COL12A1: variants seen among roughly 807,000 people sequenced by gnomAD.
The protein encoded by COL12A1 is collagen type XII alpha 1 chain, also known as collagen alpha-1(XII) chain.
Under a neutral mutation model 349.7 loss-of-function variants are expected in COL12A1, and 114 were observed. The observed-to-expected ratio is 0.33, with a 90% confidence interval of 0.28 to 0.38. The LOEUF (loss-of-function observed/expected upper bound fraction) is 0.38. Among genes scored for constraint, COL12A1 ranks in the 10% least tolerant of loss-of-function variants. The probability of loss-of-function intolerance (pLI) is 1.00; values close to 1 mark genes in which losing one functional copy is unlikely to be tolerated. For missense variants in COL12A1, 3,284 were observed against 3,756.9 expected, an observed-to-expected ratio of 0.87 and a Z score of 3.29; for synonymous variants, 1,369 against 1,329.0, an observed-to-expected ratio of 1.03 and a Z score of -0.66.
intron 13 of COL12A1, among the ~76,000 whole-genome samples, chr6:75,169,462 T>C (rs950892811): frequency 3.3e-5 from 5 of 152,144 alleles, no homozygotes; most frequent in African/African-American, 1.2e-4. Flanking sequence ...TAGTAGACTT[T>C]TTGCCATGTA....
chr6:75,176,279 G>T (rs1330885673), intron 12 of COL12A1, among the ~76,000 whole-genome samples: 1 of 151,582 alleles, frequency 6.6e-6, no homozygotes. Flanking sequence ...CAGTGGGGGA[G>T]GAAGGAAAGT....
intron 31 of COL12A1, 23 bp from the exon 32 acceptor site, chr6:75,134,878 A>C (rs774161225): frequency 5.0e-6 from 8 of 1,605,334 alleles, no homozygotes; most frequent in Non-Finnish European, 6.0e-6. Flanking sequence ...GGGTCTTGGT[A>C]AGTGTCAGCC....
intron 31 of COL12A1, among the ~76,000 whole-genome samples, chr6:75,136,826 G>C (rs1409830417): frequency 2.6e-5 from 4 of 152,138 alleles, no homozygotes; most frequent in Non-Finnish European, 5.9e-5. Flanking sequence ...AGGTAAAATG[G>C]ACAAAGGTTC....
chr6:75,177,518 C>G lies in COL12A1; in HGVS notation c.2437+145G>C. ...TGATTAAGTAAAAAAAAAATTTTAA[C>G]TTAAATCTAAAAGGACTATGGTCTA... On this transcript the variant is annotated intron_variant, in intron 12 of 65. Transcript: ENST00000322507. 8.9e-6 allele frequency: 8 copies of G among 903,352 alleles called. No individual in the cohort carries two copies. The Middle Eastern group carries it at 9.5e-4, about 107-fold the overall frequency. 56.0% of individuals were successfully genotyped at this position (903,352 alleles called of 1,614,324 possible). A position where few individuals can be genotyped will look rare whatever the true frequency, so the allele number is the denominator to read the frequency against.
chr6:75,120,845 C>T (rs1374410023), intron 44 of COL12A1, among the ~76,000 whole-genome samples: 1 of 152,174 alleles, frequency 6.6e-6, no homozygotes, highest in Non-Finnish European at 1.5e-5. Context: ...TTTAGCTCAA[C>T]AATGGACCTT....
intron 36 of COL12A1, 102 bp from the exon 37 acceptor site, chr6:75,130,335 G>A: frequency 8.9e-7 from 1 of 1,117,450 alleles, no homozygotes; most frequent in Non-Finnish European, 1.3e-6. Flanking sequence ...CATTCACTCA[G>A]ATGTTTCCTC....
chr6:75,169,438 A>T (rs954721389), intron 13 of COL12A1, among the ~76,000 whole-genome samples: 2 of 152,160 alleles, frequency 1.3e-5, no homozygotes, highest in Non-Finnish European at 2.9e-5. Context: ...GTGGCAGTGA[A>T]CAGAAAGCAA....
In COL12A1 at chr6:75,137,527, G is replaced by T. The variant is rs559168202; in HGVS notation, c.5304C>A (p.Ser1768Arg). ...TAGCAGGATCCCACTTAACAGTCAG[G>T]CTGTTAGATGTTGCATTGTACACTT... ...NLQVYNATSN[S>R]LTVKWDPASG... Residue 1768 changes from serine to arginine, a missense_variant, in exon 31 of 66, where the codon AGC becomes AGA. Transcript: ENST00000322507. 25 of 1,613,590 alleles carry T rather than the reference G, an allele frequency of 1.5e-5. No homozygotes were observed. The South Asian group carries it at 2.4e-4, about 16-fold the overall frequency.
intron 40 of COL12A1, 49 bp from the exon 41 acceptor site, chr6:75,124,420 A>G: frequency 7.2e-7 from 1 of 1,384,636 alleles, no homozygotes; most frequent in Non-Finnish European, 1.0e-6. Context: ...TGAGGCAAAA[A>G]GTGTACTTTT....
intron 14 of COL12A1, among the ~76,000 whole-genome samples, chr6:75,157,524 A>T (rs1767823704): frequency 6.6e-6 from 1 of 152,040 alleles, no homozygotes; most frequent in South Asian, 2.1e-4. Context: ...CCTAAGAGAG[A>T]TAAGGAACAA....
Position 75,154,520 on chromosome 6 carries a change from T to G in COL12A1, c.3461A>C (p.Lys1154Thr). ...LEELRAGTTY[K>T]VNVFGMFDGG... ...ATCAAACATTCCAAAAACATTTACT[T>G]TATAGGTGGTACCAGCCCTAAAATG... is the stretch of plus-strand genomic sequence containing the variant. Residue 1154 changes from lysine (K) to threonine (T), a missense_variant, in exon 17 of 66, where the codon AAA becomes ACA. Lys to Thr is a moderately conservative substitution (Grantham distance 78). This residue lies in a region of COL12A1 where 2,601 missense variants were observed against 2,824.8 expected (regional missense o/e 0.92). Coordinates refer to ENST00000322507, the MANE Select transcript of COL12A1 (RefSeq NM_004370.6). 6.2e-7 allele frequency: 1 copy of G among 1,610,470 alleles called. No individual in the cohort carries two copies.
intron 49 of COL12A1, 111 bp from the exon 50 acceptor site, chr6:75,113,855 C>A: frequency 1.2e-6 from 1 of 847,388 alleles, no homozygotes; most frequent in Non-Finnish European, 1.7e-6. Context: ...AATCTTTGCA[C>A]CAGAATCTCA....
intron 64 of COL12A1, among the ~76,000 whole-genome samples, chr6:75,088,222 G>T (rs1767595467): frequency 6.6e-6 from 1 of 152,090 alleles, no homozygotes; most frequent in Admixed American, 6.5e-5. Flanking sequence ...GGTTGCAAGG[G>T]TATCATGTGC....
chr6:75,128,992 A>G (rs541109544), intron 37 of COL12A1, among the ~76,000 whole-genome samples: 90 of 152,336 alleles, frequency 5.9e-4, no homozygotes, highest in African/African-American at 2.0e-3. Context: ...AGACATCTCA[A>G]TCTCTCTTCT....
At chr6:75,107,421 C>A (rs956252873) in intron 52 of COL12A1, among the ~76,000 whole-genome samples, 1 of 152,088 alleles carries the variant, frequency 6.6e-6, no homozygotes, top group African/African-American at 2.4e-5. Context: ...CAGGCGCCCA[C>A]TACCACGCCC....
rs1265670981 is a variant in COL12A1, at chr6:75,087,393, A to G, written c.9181+184T>C. The G allele has an allele frequency of 1.9e-5, 11 of 569,530 alleles. No homozygotes were observed. In the African/African-American group the frequency reaches 2.0e-4, roughly 10 times the overall value. The allele number at this position is 569,530 out of a possible 1,614,324, so 35.3% of individuals were successfully genotyped here. On this transcript the variant is annotated intron_variant, in intron 65 of 65. Coordinates refer to ENST00000322507, the MANE Select transcript of COL12A1 (RefSeq NM_004370.6). ...CATGGGGAAAAAAGAAAATAATTCA[A>G]TCCTAACAGTGAAATAATGTTGTGT...
chr6:75,177,547 T>C lies in COL12A1; in HGVS notation c.2437+116A>G, dbSNP rs1004777355. On this transcript the variant is annotated intron_variant, in intron 12 of 65. Coordinates refer to ENST00000322507, the MANE Select transcript of COL12A1 (RefSeq NM_004370.6). The stretch of plus-strand genomic sequence containing the variant: ...AATCTAAAAGGACTATGGTCTAACA[T>C]ACTCAAACAATTGAAACAAAGTGTC... The C allele has an allele frequency of 3.1e-6, 4 of 1,306,836 alleles. No homozygotes were observed. The African/African-American group carries it at 5.9e-5, about 19-fold the overall frequency. 81.0% of individuals were successfully genotyped at this position (1,306,836 alleles called of 1,614,324 possible).
chr6:75,159,181 G>A (rs547962587), intron 14 of COL12A1, among the ~76,000 whole-genome samples: 49 of 151,392 alleles, frequency 3.2e-4, no homozygotes, highest in African/African-American at 9.4e-4. Flanking sequence ...GATAAAGTAA[G>A]CAAATTCAAT....
rs368150745 is a variant in COL12A1 at position 75,104,580 on chromosome 6, C to G, written c.8265+626G>C. Among the ~76,000 whole-genome samples the G allele has an allele frequency of 1.1e-4, 17 of 152,292 alleles. No individual in the cohort carries two copies. In the East Asian group the frequency reaches 2.5e-3, roughly 22 times the overall value. On this transcript the variant is annotated intron_variant, in intron 54 of 65. Coordinates refer to ENST00000322507, the MANE Select transcript of COL12A1 (RefSeq NM_004370.6). ...CCTCAAAACTGGCCCAGATCAGATA[C>G]TGGATCGACTAACTCAAGGGGTTTC...
Sources: gnomAD v4.1 joint callset for allele counts (sites outside exome capture counted in the v4.1 genomes callset) on GRCh38, gnomAD v4.1.1 for gene constraint, gnomAD v4.1.1 regional missense constraint, MANE v1.5 for transcripts, NCBI Gene and HGNC (gene_info 2026-07-23, HGNC 2026-07-21) for gene names.